MOB3B: variants seen among roughly 807,000 people sequenced by gnomAD.
The protein encoded by MOB3B is MOB kinase activator 3B.
Under a neutral mutation model 18.7 loss-of-function variants are expected in MOB3B, and 7 were observed. The ratio of observed to expected loss-of-function variants is 0.37; its 90% CI spans 0.21 to 0.70. The LOEUF is 0.70. Ranked by LOEUF, MOB3B falls within the 30% of genes least tolerant of loss-of-function variation. The probability of loss-of-function intolerance (pLI) is 0.52; values close to 1 mark genes in which losing one functional copy is unlikely to be tolerated. For missense variants in MOB3B, 253 were observed against 281.3 expected (o/e 0.90, Z 0.72); for synonymous variants, 111 against 99.9 (o/e 1.11, Z -0.66).
rs529634510 is a variant in MOB3B, at chr9:27,513,832, T to C, written c.-199+15723A>G. On this transcript the variant is annotated intron_variant, in intron 1 of 3. Transcript: ENST00000262244. ...GGACATGAAGTTTCCCTATTCTTTTTTACTACCTGTGTCAGGCATCATCTC... is the reference window on the plus strand; with the variant it reads ...GGACATGAAGTTTCCCTATTCTTTTCTACTACCTGTGTCAGGCATCATCTC... Among the ~76,000 whole-genome samples the C allele has an allele frequency of 2.6e-5, 4 of 152,276 alleles. No homozygotes were observed. In the East Asian group the frequency reaches 7.7e-4, roughly 29 times the overall value.
rs191719401 is a variant in MOB3B, at chr9:27,509,201, C to T, written c.-199+20354G>A. On this transcript the variant is annotated intron_variant, in intron 1 of 3. Transcript: ENST00000262244. ...TCCCATAAAAATACATAAATATACA[C>T]ATACATTAAGAGATACTGTAACTTT... Among the ~76,000 whole-genome samples the T allele has an allele frequency of 1.5e-3, 222 of 152,204 alleles. 1 individual carries two copies. Among genetic ancestry groups the T allele is most frequent in the Non-Finnish European group, 2.5e-3 (167 of 68,028 alleles).
chr9:27,468,652 T>C (rs1194472084), intron 1 of MOB3B, among the ~76,000 whole-genome samples: 5 of 152,188 alleles, frequency 3.3e-5, no homozygotes, highest in African/African-American at 4.8e-5. Flanking sequence ...CACCCTAGAC[T>C]TCACTGCATC....
intron 1 of MOB3B, among the ~76,000 whole-genome samples, chr9:27,461,211 AT>A (rs1479223612): frequency 1.3e-5 from 2 of 152,110 alleles, no homozygotes; most frequent in Non-Finnish European, 2.9e-5. Context: ...ATTAAAGTAG[AT>A]TGGGTTTTTA....
At chr9:27,358,683 T>C (rs1821228002) in intron 3 of MOB3B, among the ~76,000 whole-genome samples, 1 of 152,236 alleles carries the variant, frequency 6.6e-6, no homozygotes, top group South Asian at 2.1e-4. Context: ...TAATCTTTGA[T>C]TAACAGAGTG....
chr9:27,505,655 T>A (rs1354786049), intron 1 of MOB3B, among the ~76,000 whole-genome samples: 1 of 152,236 alleles, frequency 6.6e-6, no homozygotes, highest in African/African-American at 2.4e-5. Context: ...CACAGACCTC[T>A]CAGGCCCTCT....
intron 1 of MOB3B, among the ~76,000 whole-genome samples, chr9:27,510,618 A>G (rs552098424): frequency 6.6e-6 from 1 of 152,364 alleles, no homozygotes; most frequent in East Asian, 1.9e-4. Flanking sequence ...CTAAATATAT[A>G]TGGTGTTCTA....
chr9:27,366,664 C>T (rs902409711), intron 2 of MOB3B, among the ~76,000 whole-genome samples: 56 of 152,244 alleles, frequency 3.7e-4, no homozygotes, highest in African/African-American at 1.3e-3. Flanking sequence ...TTTCCCTTTT[C>T]TTTGGAAGAG....
chr9:27,377,495 A>T (rs1821506305), intron 2 of MOB3B, among the ~76,000 whole-genome samples: 1 of 152,140 alleles, frequency 6.6e-6, no homozygotes, highest in South Asian at 2.1e-4. Flanking sequence ...CACCCTTCTA[A>T]CACCTAGACC....
intron 1 of MOB3B, among the ~76,000 whole-genome samples, chr9:27,508,120 C>A (rs560247314): frequency 6.6e-6 from 1 of 152,140 alleles, no homozygotes; most frequent in African/African-American, 2.4e-5. Flanking sequence ...TTGGGAAATA[C>A]GACTTTCTCT....
intron 2 of MOB3B, among the ~76,000 whole-genome samples, chr9:27,432,817 C>A (rs1822435818): frequency 1.3e-5 from 2 of 152,144 alleles, no homozygotes; most frequent in Admixed American, 1.3e-4. Context: ...ATTTCATACC[C>A]TCTTGAACAG....
chr9:27,422,928 T>G (rs1397508250), intron 2 of MOB3B, among the ~76,000 whole-genome samples: 2 of 152,228 alleles, frequency 1.3e-5, no homozygotes, highest in Non-Finnish European at 2.9e-5. Context: ...TGATAGGGTC[T>G]GGAAAAAAGT....
rs538696188 is a variant in MOB3B at position 27,438,397 on chromosome 9, A to C, written c.418+16736T>G. On this transcript the variant is annotated intron_variant, in intron 2 of 3. Transcript: ENST00000262244. ...GAACTGCTACTGCTGAATTGGTGGT[A>C]GGAGGTCCCCTTCAGCTGAAGGAGG... Among the ~76,000 whole-genome samples the C allele has an allele frequency of 6.0e-4, 91 of 152,270 alleles. 1 individual carries two copies. The highest frequency in any genetic ancestry group is 2.1e-3 in the African/African-American group (87 of 41,562).
intron 1 of MOB3B, among the ~76,000 whole-genome samples, chr9:27,485,884 C>G (rs1043931647): frequency 2.0e-4 from 31 of 152,314 alleles, no homozygotes; most frequent in African/African-American, 6.5e-4. Context: ...CACATAAGTG[C>G]AAACTCACTG....
chr9:27,518,294 C>T (rs528334013), intron 1 of MOB3B, among the ~76,000 whole-genome samples: 2 of 152,314 alleles, frequency 1.3e-5, no homozygotes, highest in South Asian at 2.1e-4. Flanking sequence ...TTCCCAATTA[C>T]AGCCACTCTT....
chr9:27,524,145 C>A (rs951249832), intron 1 of MOB3B, among the ~76,000 whole-genome samples: 2 of 88,640 alleles, frequency 2.3e-5, no homozygotes, highest in Admixed American at 2.7e-4. Context: ...CATAGTCACC[C>A]GAAGTAAAAA....
chr9:27,416,225 G>A (rs567331252), intron 2 of MOB3B, among the ~76,000 whole-genome samples: 14 of 152,008 alleles, frequency 9.2e-5, no homozygotes, highest in Non-Finnish European at 8.8e-5. Flanking sequence ...TCATGATCTC[G>A]TAGGACCTCA....
chr9:27,453,229 A>T (rs962812088), intron 2 of MOB3B, among the ~76,000 whole-genome samples: 7 of 152,228 alleles, frequency 4.6e-5, no homozygotes, highest in African/African-American at 1.4e-4. Context: ...TTTCTTGGAA[A>T]TTCATAATGC....
chr9:27,524,725 A>C (rs1199135690), intron 1 of MOB3B: 5 of 1,614,076 alleles, frequency 3.1e-6, no homozygotes, highest in Non-Finnish European at 4.2e-6. Flanking sequence ...CAATGCTTGG[A>C]GGAAGACAAG....
chr9:27,342,444 CCCTCCG>C (rs1045932595), intron 3 of MOB3B, among the ~76,000 whole-genome samples: 69 of 152,066 alleles, frequency 4.5e-4, no homozygotes, highest in African/African-American at 1.6e-3. Flanking sequence ...CTCCCCCTCC[CCCTCCG>C]TCTCCCTTTC....
Sources: allele counts gnomAD v4.1 joint callset (sites outside exome capture counted in the v4.1 genomes callset), GRCh38; gene constraint gnomAD v4.1.1; transcripts MANE v1.5; gene names NCBI Gene and HGNC (gene_info 2026-07-23, HGNC 2026-07-21).